Variants in RPL32 observed in about 807,000 individuals in gnomAD.
The protein encoded by RPL32 is ribosomal protein L32, also known as large ribosomal subunit protein eL32.
For missense variants in RPL32, 117 were observed against 173.7 expected, an observed-to-expected ratio of 0.67 and a Z score of 1.83; for synonymous variants, 61 against 62.6, an observed-to-expected ratio of 0.98 and a Z score of 0.12.
chr3:12,839,085 T>C (rs868096647), intron 3 of RPL32: 17 of 553,684 alleles, frequency 3.1e-5, no homozygotes, highest in African/African-American at 7.5e-5. Flanking sequence ...GTGGCTATTA[T>C]TGCAGTGTTC....
At chr3:12,839,672 A>G in intron 2 of RPL32, 142 bp from the exon 3 acceptor site, 1 of 865,468 alleles carries the variant, frequency 1.2e-6, no homozygotes, top group Non-Finnish European at 1.9e-6. Flanking sequence ...CTATTTCCTT[A>G]CTTTTTTGGT....
At chr3:12,839,242 C>T in intron 3 of RPL32, 107 bp downstream of exon 3, 1 of 989,278 alleles carries the variant, frequency 1.0e-6, no homozygotes, top group Non-Finnish European at 1.6e-6. Flanking sequence ...GAATGTACAA[C>T]ACCCCCCGCC....
At position 12,835,091 on chromosome 3, in the gene RPL32, T is replaced by A. The variant is rs1452171545; in HGVS notation, c.*1003A>T. 4 of 152,196 alleles carry A rather than the reference T, an allele frequency of 2.6e-5. No homozygotes were observed. In the East Asian group the frequency reaches 7.7e-4, roughly 29 times the overall value. The allele number at this position is 152,196 out of a possible 1,614,324, so 9.4% of individuals were successfully genotyped here. ...TGACCAGGATGGTTACAGAAAAACA[T>A]CCTGTAAGCATTTCTGTCTCATAAG... is the stretch of plus-strand genomic sequence containing the variant. On this transcript the variant is annotated 3_prime_UTR_variant, in exon 4 of 4. Coordinates refer to ENST00000429711, the MANE Select transcript of RPL32 (RefSeq NM_000994.4).
Position 12,835,912 on chromosome 3 carries a change from C to T in RPL32, c.*182G>A. On this transcript the variant is annotated 3_prime_UTR_variant, in exon 4 of 4. Transcript: ENST00000429711. ...GCACTTGAGGCCACATTCCCCTGTT[C>T]AAGGACTGAGTGTCCTTTACAAATC... 1.5e-6 allele frequency: 1 copy of T among 681,242 alleles called. No individual in the cohort carries two copies. The highest frequency in any genetic ancestry group is 2.4e-6 in the Non-Finnish European group (1 of 413,386). 42.2% of individuals were successfully genotyped at this position (681,242 alleles called of 1,614,324 possible). A position where few individuals can be genotyped will look rare whatever the true frequency, so the allele number is the denominator to read the frequency against.
chr3:12,839,707 T>G (rs547569874), intron 2 of RPL32, 177 bp from the exon 3 acceptor site: 1 of 682,680 alleles, frequency 1.5e-6, no homozygotes, highest in East Asian at 2.7e-5. Flanking sequence ...GCTCGTGGCT[T>G]TAGCCACTAG....
rs1490026174 is a variant in RPL32, at chr3:12,840,176, A to G, written c.62T>C (p.Ile21Thr). 1.9e-6 allele frequency: 3 copies of G among 1,614,044 alleles called. No homozygotes were observed. The South Asian group carries it at 3.3e-5, about 18-fold the overall frequency. Residue 21 changes from isoleucine to threonine, a missense_variant, in exon 2 of 4, where the codon ATC becomes ACC. Coordinates refer to ENST00000429711, the MANE Select transcript of RPL32 (RefSeq NM_000994.4). Reference sequence around the variant, plus strand: ...GACATATCGGTCTGACTGGTGCCGGATGAACTTCTTGGTTCTCTTTTTGAC... The same window carrying G: ...GACATATCGGTCTGACTGGTGCCGGGTGAACTTCTTGGTTCTCTTTTTGAC... ...KIVKKRTKKF[I>T]RHQSDRYVKI...
rs569743004 is a variant in RPL32 at position 12,841,486 on chromosome 3, A to C, written c.-6+8T>G. 6.6e-6 allele frequency: 1 copy of C among 152,390 alleles called. No homozygotes were observed. The highest frequency in any genetic ancestry group is 2.1e-4 in the South Asian group (1 of 4,832). 9.4% of individuals were successfully genotyped at this position (152,390 alleles called of 1,614,324 possible). A position where few individuals can be genotyped will look rare whatever the true frequency, so the allele number is the denominator to read the frequency against. On this transcript the variant is annotated splice_region_variant and intron_variant, in intron 1 of 3. Coordinates refer to ENST00000429711, the MANE Select transcript of RPL32 (RefSeq NM_000994.4). ...CAGGAATGCGGATTGCCACGGATTAACACTTACCGAGAAGGAGATGGCTGC... is the reference window on the plus strand; with the variant it reads ...CAGGAATGCGGATTGCCACGGATTACCACTTACCGAGAAGGAGATGGCTGC...
rs1286607745 is a variant in RPL32, at chr3:12,835,268, T to C, written c.*826A>G. The C allele has an allele frequency of 1.3e-5, 2 of 152,134 alleles. No homozygotes were observed. The highest frequency in any genetic ancestry group is 1.9e-4 in the East Asian group (1 of 5,182). 9.4% of individuals were successfully genotyped at this position (152,134 alleles called of 1,614,324 possible). A position where few individuals can be genotyped will look rare whatever the true frequency, so the allele number is the denominator to read the frequency against. On this transcript the variant is annotated 3_prime_UTR_variant, in exon 4 of 4. Transcript: ENST00000429711. ...ACCTCTACAAAAAAACTTCAAAAAC[T>C]ACCCAGGTTTGGAGGTGTGCATCTG...
In RPL32 at chr3:12,839,068, G is replaced by T. The variant is rs1415863066; in HGVS notation, c.278+281C>A. On this transcript the variant is annotated intron_variant, in intron 3 of 3. Coordinates refer to ENST00000429711, the MANE Select transcript of RPL32 (RefSeq NM_000994.4). The stretch of plus-strand genomic sequence containing the variant: ...ACAACAGCCAAAGGATATTGTAGTA[G>T]TGGAAAGTGGCTATTATTGCAGTGT... 5.8e-6 allele frequency: 3 copies of T among 513,624 alleles called. No individual in the cohort carries two copies. The East Asian group carries it at 1.0e-4, about 18-fold the overall frequency. 31.8% of individuals were successfully genotyped at this position (513,624 alleles called of 1,614,324 possible). A position where few individuals can be genotyped will look rare whatever the true frequency, so the allele number is the denominator to read the frequency against.
intron 3 of RPL32, chr3:12,839,094 T>A: frequency 1.8e-6 from 1 of 570,232 alleles, no homozygotes; most frequent in Non-Finnish European, 3.1e-6. Flanking sequence ...ATTGCAGTGT[T>A]CACAAAGCAG....
chr3:12,840,491 A>G (rs746092167), intron 1 of RPL32: 1 of 632,468 alleles, frequency 1.6e-6, no homozygotes, highest in South Asian at 1.4e-5. Context: ...GAATGCCAAC[A>G]GCTGAGCAAA....
chr3:12,838,844 G>A (rs1465383785), intron 3 of RPL32, among the ~76,000 whole-genome samples: 3 of 152,128 alleles, frequency 2.0e-5, no homozygotes, highest in Non-Finnish European at 2.9e-5. Flanking sequence ...ATGTGTATTT[G>A]ATTGATGTCT....
chr3:12,836,865 A>G (rs947872438), intron 3 of RPL32, among the ~76,000 whole-genome samples: 1 of 152,228 alleles, frequency 6.6e-6, no homozygotes, highest in Non-Finnish European at 1.5e-5. Flanking sequence ...TGATTTATGA[A>G]GCCACCCACA....
At chr3:12,840,066 C>T in intron 2 of RPL32, 76 bp downstream of exon 2, 1 of 1,164,882 alleles carries the variant, frequency 8.6e-7, no homozygotes, top group South Asian at 1.2e-5. Context: ...AAAGATAATC[C>T]TGACTAGGTG....
chr3:12,835,921 A>G lies in RPL32; in HGVS notation c.*173T>C. 1 of 713,084 alleles carries G rather than the reference A, an allele frequency of 1.4e-6. No homozygotes were observed. The highest frequency in any genetic ancestry group is 1.8e-5 in the South Asian group (1 of 54,136). 44.2% of individuals were successfully genotyped at this position (713,084 alleles called of 1,614,324 possible). A position where few individuals can be genotyped will look rare whatever the true frequency, so the allele number is the denominator to read the frequency against. On this transcript the variant is annotated 3_prime_UTR_variant, in exon 4 of 4. Coordinates refer to ENST00000429711, the MANE Select transcript of RPL32 (RefSeq NM_000994.4). ...GCCACATTCCCCTGTTCAAGGACTG[A>G]GTGTCCTTTACAAATCCCCTCCAAA...
chr3:12,836,279 T>C, intron 3 of RPL32, 56 bp from the exon 4 acceptor site: 1 of 1,596,964 alleles, frequency 6.3e-7, no homozygotes, highest in Non-Finnish European at 8.5e-7. Context: ...ACTTGGAAAA[T>C]TCCATTGGAG....
Position 12,836,181 on chromosome 3 carries a change from G to A in RPL32, c.321C>T (p.Asn107=). 1.2e-6 allele frequency: 2 copies of A among 1,602,390 alleles called. No individual in the cohort carries two copies. The highest frequency in any genetic ancestry group is 3.3e-5 in the Admixed American group (2 of 60,014). The change falls in exon 4 of 4, where the codon AAC becomes AAT. Residue 107 remains asparagine (N), a synonymous_variant. Coordinates refer to ENST00000429711, the MANE Select transcript of RPL32 (RefSeq NM_000994.4). The part of the protein sequence containing the change: ...AEIAHNVSSK[N]RKAIVERAAQ... ...CAGCTCTTTCCACGATGGCTTTGCG[G>A]TTCTTGGAGGAAACATTGTGAGCGA...
In RPL32 at chr3:12,839,417, C is replaced by A. The variant is rs757880872; in HGVS notation, c.210G>T (p.Leu70=). The A allele has an allele frequency of 1.9e-6, 3 of 1,614,180 alleles. No homozygotes were observed. The Admixed American group carries it at 5.0e-5, about 27-fold the overall frequency. ...YGSNKKTKHM[L]PSGFRKFLVH... The stretch of plus-strand genomic sequence containing the variant: ...CCAGGAACTTCCGGAAGCCACTGGG[C>A]AGCATGTGCTTTGTTTTTTTGTTGC... Residue 70 remains leucine, a synonymous_variant, in exon 3 of 4, where the codon CTG becomes CTT. Transcript: ENST00000429711.
rs766117220 is a variant in RPL32 at position 12,840,429 on chromosome 3, C to A, written c.-5-187G>T. 1.4e-5 allele frequency: 10 copies of A among 719,146 alleles called. No homozygotes were observed. In the Admixed American group the frequency reaches 1.7e-4, roughly 12 times the overall value. The allele number at this position is 719,146 out of a possible 1,614,324, so 44.5% of individuals were successfully genotyped here. ...AAGCTGGCAGAATACTAGGCACTCT[C>A]CAGATGCGATCCCAGGAGGTCAAGG... On this transcript the variant is annotated intron_variant, in intron 1 of 3. Transcript: ENST00000429711.
Sources: allele counts gnomAD v4.1 joint callset (sites outside exome capture counted in the v4.1 genomes callset), GRCh38; gene constraint gnomAD v4.1.1; transcripts MANE v1.5; gene names NCBI Gene and HGNC (gene_info 2026-07-23, HGNC 2026-07-21).